The following SERINC2 variants were observed in gnomAD, a reference collection of about 807,000 sequenced individuals.
The protein encoded by SERINC2 is serine incorporator 2, also known as tumor differentially expressed protein 2.
A neutral mutation model predicts 54.2 loss-of-function variants in SERINC2; 56 were observed. The observed-to-expected ratio is 1.03, with a 90% CI of 0.83 to 1.29. The LOEUF (loss-of-function observed/expected upper bound fraction) is 1.29. Among genes scored for constraint, SERINC2 ranks in the 50% most tolerant of loss-of-function variants. SERINC2 has a pLI of 0.00. For synonymous variants in SERINC2, 272 were observed against 253.1 expected (o/e 1.07, Z -0.71); for missense variants, 614 against 607.4 (o/e 1.01, Z -0.12).
chr1:31,425,886 G>T lies in SERINC2; in HGVS notation c.583G>T (p.Glu195Ter). 6.2e-7 allele frequency: 1 copy of T among 1,612,776 alleles called. No individual in the cohort carries two copies. The highest frequency in any genetic ancestry group is 1.1e-5 in the South Asian group (1 of 91,048). Residue 195 changes from glutamate to a stop codon, truncating the protein, a stop_gained, in exon 5 of 10, where the codon GAG (glutamate) becomes TAG (stop). Coordinates refer to ENST00000373709, the MANE Select transcript of SERINC2 (RefSeq NM_178865.5). LOFTEE classifies it high-confidence loss of function. ...WNQRWLGKAEECDSRAWYAGL... is the reference protein window; with the variant it reads ...WNQRWLGKAE Reference sequence around the variant, plus strand: ...CCAGCGGTGGCTGGGCAAGGCCGAGGAGTGCGATTCCCGTGCCTGGTACGC... The same window carrying T: ...CCAGCGGTGGCTGGGCAAGGCCGAGTAGTGCGATTCCCGTGCCTGGTACGC...
Position 31,423,780 on chromosome 1 carries a change from A to C in SERINC2, c.127A>C (p.Thr43Pro), listed in dbSNP as rs782630925. The change falls in exon 2 of 10, where the codon ACG becomes CCG. Residue 43 changes from threonine to proline, a missense_variant. By Grantham distance (38) the Thr-to-Pro change is conservative (BLOSUM62 -1). Transcript: ENST00000373709. ...RNSTVSRLIF[T>P]FFLFLGVLVS... ...CTCCACCGTGAGCCGCCTCATCTTCACGTTCTTCCTCTTCCTGGGGGTGCT... is the reference window on the plus strand; with the variant it reads ...CTCCACCGTGAGCCGCCTCATCTTCCCGTTCTTCCTCTTCCTGGGGGTGCT... 5 of 1,613,884 alleles carry C rather than the reference A, an allele frequency of 3.1e-6. No homozygotes were observed. The Admixed American group carries it at 8.3e-5, about 27-fold the overall frequency.
chr1:31,412,195 T>C (rs928100301), upstream of SERINC2, among the ~76,000 whole-genome samples: 2 of 152,148 alleles, frequency 1.3e-5, no homozygotes, highest in Non-Finnish European at 2.9e-5. Context: ...CAGAGACTTC[T>C]TTCCCTAACA....
At chr1:31,416,612 G>A (rs1463283437) in intron 1 of SERINC2, among the ~76,000 whole-genome samples, 4 of 152,106 alleles carry the variant, frequency 2.6e-5, no homozygotes, top group Non-Finnish European at 5.9e-5. Context: ...TGCTTGCCTG[G>A]GCCAGTTTTG....
rs1640696150 is a variant in SERINC2 at position 31,413,471 on chromosome 1, C to G, written c.39+167C>G. On this transcript the variant is annotated intron_variant, in intron 1 of 9. Transcript: ENST00000373709. The surrounding 1 kb of genome is among the most constrained non-coding windows in gnomAD (Gnocchi z 5.0). ...CCCTCCTGGACCTTCACTCGGCACC[C>G]GGATCCCGCTGCCCCCGTCCCCCTG... Among the ~76,000 whole-genome samples, 1 of 152,066 alleles carries G rather than the reference C, an allele frequency of 6.6e-6. No individual in the cohort carries two copies. The highest frequency in any genetic ancestry group is 2.4e-5 in the African/African-American group (1 of 41,428).
intron 9 of SERINC2, among the ~76,000 whole-genome samples, chr1:31,433,499 G>T (rs2148534875): frequency 6.6e-6 from 1 of 152,266 alleles, no homozygotes; most frequent in Admixed American, 6.5e-5. Context: ...TTCATGGTTG[G>T]AGGGTTAGGA....
intron 1 of SERINC2, among the ~76,000 whole-genome samples, chr1:31,421,199 A>T (rs1274878906): frequency 6.6e-6 from 1 of 152,202 alleles, no homozygotes; most frequent in Non-Finnish European, 1.5e-5. Context: ...CGTGCTTCTT[A>T]TGAGAATCTA....
intron 8 of SERINC2, among the ~76,000 whole-genome samples, chr1:31,432,147 C>CAGGGTGGACAGGGTGGTT (rs1641299906): frequency 2.1e-4 from 1 of 4,770 alleles, no homozygotes; most frequent in African/African-American, 9.9e-4. Flanking sequence ...ACAGGGTGGA[C>CAGGGTGGACAGGGTGGTT]AGGGTGGACA....
Position 31,413,725 on chromosome 1 carries a change from C to G in SERINC2, c.39+421C>G. ...GTTCTCTGTGTAGGTCGCCCGGGCC[C>G]CGTCCCTCCTGGCGAGTGCCCTGCC... On this transcript the variant is annotated intron_variant, in intron 1 of 9. Coordinates refer to ENST00000373709, the MANE Select transcript of SERINC2 (RefSeq NM_178865.5). The surrounding 1 kb of genome is among the most constrained non-coding windows in gnomAD (Gnocchi z 5.0). 1.5e-6 allele frequency: 2 copies of G among 1,290,980 alleles called. No individual in the cohort carries two copies. Among genetic ancestry groups the G allele is most frequent in the African/African-American group, 1.6e-5 (1 of 64,376 alleles). 80.0% of individuals were successfully genotyped at this position (1,290,980 alleles called of 1,614,324 possible). A position where few individuals can be genotyped will look rare whatever the true frequency, so the allele number is the denominator to read the frequency against.
At chr1:31,432,298 C>G (rs947700504) in intron 8 of SERINC2, among the ~76,000 whole-genome samples, 1 of 151,120 alleles carries the variant, frequency 6.6e-6, no homozygotes, top group Non-Finnish European at 1.5e-5. Flanking sequence ...GAATCCAGCT[C>G]TCCTTTTCAC....
chr1:31,414,054 G>A, intron 1 of SERINC2: 1 of 1,509,904 alleles, frequency 6.6e-7, no homozygotes, highest in Non-Finnish European at 8.8e-7. Context: ...AGCTGCCCTC[G>A]AGTGAGGCGG....
chr1:31,429,576 T>C (rs576794764), intron 8 of SERINC2, 38 bp downstream of exon 8: 1 of 1,556,726 alleles, frequency 6.4e-7, no homozygotes, highest in Admixed American at 1.9e-5. Context: ...GGATCATGAT[T>C]GAGGGCCCTG....
intron 1 of SERINC2, among the ~76,000 whole-genome samples, chr1:31,422,128 G>A (rs556814316): frequency 9.2e-4 from 140 of 151,776 alleles, no homozygotes; most frequent in Non-Finnish European, 1.7e-3. Context: ...GTGAAACTCC[G>A]TCTCTACAAA....
In SERINC2 at chr1:31,434,242, T is replaced by C. The variant is rs141375854; in HGVS notation, c.*43T>C. 0.017 allele frequency: 26,596 copies of C among 1,596,396 alleles called. 271 individuals carry two copies. Among genetic ancestry groups the C allele is most frequent in the Non-Finnish European group, 0.02 (23,019 of 1,172,618 alleles). The stretch of plus-strand genomic sequence containing the variant: ...CCATCTGGTGCCTCCTGCCACCTGG[T>C]GCCTCTCGGCTCAGTGACAGCCAAC... On this transcript the variant is annotated 3_prime_UTR_variant, in exon 10 of 10. Transcript: ENST00000373709.
chr1:31,426,946 C>T, intron 6 of SERINC2, 123 bp downstream of exon 6: 1 of 827,630 alleles, frequency 1.2e-6, no homozygotes, highest in Admixed American at 2.4e-5. Context: ...TGTGTGGGCT[C>T]CCAGGTCAGC....
At chr1:31,432,792 G>C (rs1221726769) in intron 8 of SERINC2, among the ~76,000 whole-genome samples, 175 bp from the exon 9 acceptor site, 10 of 152,142 alleles carry the variant, frequency 6.6e-5, no homozygotes, top group Admixed American at 6.5e-4. Context: ...TTTTGCTCAA[G>C]GTCACACAGA....
intron 8 of SERINC2, among the ~76,000 whole-genome samples, chr1:31,431,833 AG>A (rs1641231688): frequency 6.9e-6 from 1 of 145,426 alleles, no homozygotes; most frequent in African/African-American, 2.6e-5. Flanking sequence ...TAGGGTGGAT[AG>A]GGTGGATAGG....
intron 6 of SERINC2, among the ~76,000 whole-genome samples, chr1:31,428,575 T>C (rs1305365573): frequency 7.2e-5 from 11 of 152,122 alleles, no homozygotes; most frequent in Admixed American, 1.3e-4. Context: ...GAAGAGGCGC[T>C]GCCTGTGCGG....
chr1:31,432,081 GGTT>G (rs1641278841), intron 8 of SERINC2, among the ~76,000 whole-genome samples: 5 of 121,628 alleles, frequency 4.1e-5, no homozygotes, highest in Non-Finnish European at 6.8e-5. Flanking sequence ...TGGACAGGGT[GGTT>G]AGGGTGGACA....
chr1:31,414,048 G>A (rs1249720224), intron 1 of SERINC2: 4 of 1,514,266 alleles, frequency 2.6e-6, no homozygotes, highest in Non-Finnish European at 3.5e-6. Context: ...TTTCTTAGCT[G>A]CCCTCGAGTG....
Sources: allele counts gnomAD v4.1 joint callset (sites outside exome capture counted in the v4.1 genomes callset), GRCh38; gene constraint gnomAD v4.1.1; non-coding constraint Gnocchi (gnomAD v3.1); transcripts MANE v1.5; gene names NCBI Gene and HGNC (gene_info 2026-07-23, HGNC 2026-07-21).